Variants in UPF3A observed in about 807,000 individuals in gnomAD.
UPF3A encodes the protein UPF3A regulator of nonsense mediated mRNA decay, also known as regulator of nonsense transcripts 3A.
A neutral mutation model predicts 53.5 loss-of-function variants in UPF3A; 42 were observed. That is an observed-to-expected ratio of 0.78 (90% CI 0.61 to 1.01). The LOEUF (loss-of-function observed/expected upper bound fraction) is 1.01. Ranked by LOEUF, UPF3A falls within the 50% of genes least tolerant of loss-of-function variation. UPF3A has a pLI of 0.00. For synonymous variants in UPF3A, 237 were observed against 225.3 expected (o/e 1.05, Z -0.47); for missense variants, 575 against 598.0 (o/e 0.96, Z 0.40).
In UPF3A at chr13:114,281,706, A is replaced by G; in HGVS notation, c.67A>G (p.Arg23Gly). The G allele has an allele frequency of 6.5e-7, 1 of 1,546,090 alleles. No individual in the cohort carries two copies. Among genetic ancestry groups the G allele is most frequent in the Non-Finnish European group, 8.7e-7 (1 of 1,145,776 alleles). ...AAVAARGPSG[R>G]EKLSALEVQF... Reference sequence around the variant, plus strand: ...CGTTGCCGCGCGGGGCCCGAGCGGGAGGGAGAAGCTGTCGGCCCTAGAAGT... The same window carrying G: ...CGTTGCCGCGCGGGGCCCGAGCGGGGGGGAGAAGCTGTCGGCCCTAGAAGT... Residue 23 changes from arginine (R) to glycine (G), a missense_variant, in exon 1 of 10, where the codon AGG becomes GGG. By Grantham distance (125) the Arg-to-Gly change is moderately radical (BLOSUM62 -2). Around this residue, in one of 2 missense-constraint regions of UPF3A, gnomAD observed 252 missense variants for 182.7 expected, o/e 1.38. Transcript: ENST00000375299.
chr13:114,292,930 A>C, intron 7 of UPF3A, among the ~76,000 whole-genome samples: 1 of 151,962 alleles, frequency 6.6e-6, no homozygotes, highest in Non-Finnish European at 1.5e-5. Context: ...AAAATTAGCC[A>C]GGTGTGGTGG....
intron 9 of UPF3A, among the ~76,000 whole-genome samples, chr13:114,302,963 G>T (rs139633313): frequency 6.6e-6 from 1 of 152,228 alleles, no homozygotes; most frequent in South Asian, 2.1e-4. Context: ...ATAGCTGGGC[G>T]TGGTGGCGCG....
chr13:114,295,084 C>T (rs2085741386), intron 7 of UPF3A, among the ~76,000 whole-genome samples: 1 of 150,060 alleles, frequency 6.7e-6, no homozygotes, highest in East Asian at 1.9e-4. Flanking sequence ...TGCACTCCAG[C>T]CTGGGCGACA....
At position 114,295,339 on chromosome 13, in the gene UPF3A, C is replaced by CGTG. The variant is rs1566756651; in HGVS notation, c.847-3501_847-3500insGTG. On this transcript the variant is annotated intron_variant, in intron 7 of 9. Coordinates refer to ENST00000375299, the MANE Select transcript of UPF3A (RefSeq NM_023011.4). The stretch of plus-strand genomic sequence containing the variant: ...CCCAGCTCGTCTCCAGCAGCTCTGG[C>CGTG]CTGCTCCCCAGCTCGTCTCCAGCGG... Among the ~76,000 whole-genome samples the CGTG allele has an allele frequency of 7.6e-4, 111 of 145,982 alleles. 1 individual carries two copies. The highest frequency in any genetic ancestry group is 3.7e-3 in the Middle Eastern group (1 of 270).
chr13:114,286,092 G>A lies in UPF3A; in HGVS notation c.422-210G>A, dbSNP rs142843995. The A allele has an allele frequency of 1.1e-4, 65 of 571,230 alleles. No homozygotes were observed. In the East Asian group the frequency reaches 1.5e-3, roughly 14 times the overall value. The allele number at this position is 571,230 out of a possible 1,614,324, so 35.4% of individuals were successfully genotyped here. On this transcript the variant is annotated intron_variant, in intron 3 of 9. Coordinates refer to ENST00000375299, the MANE Select transcript of UPF3A (RefSeq NM_023011.4). ...CTTGTTTAAGTCTGGAGTTTGCCGTGTTAAGGTTGCAGGTGCTTGAAAGTG... is the reference window on the plus strand; with the variant it reads ...CTTGTTTAAGTCTGGAGTTTGCCGTATTAAGGTTGCAGGTGCTTGAAAGTG...
intron 3 of UPF3A, 49 bp downstream of exon 3, chr13:114,282,992 A>C (rs866554965): frequency 3.1e-6 from 4 of 1,281,284 alleles, no homozygotes; most frequent in Middle Eastern, 1.9e-4. Context: ...AGGTATACTA[A>C]TGAAGTATTG....
chr13:114,294,394 A>C (rs2085627858), intron 7 of UPF3A, among the ~76,000 whole-genome samples: 1 of 151,258 alleles, frequency 6.6e-6, no homozygotes, highest in Non-Finnish European at 1.5e-5. Flanking sequence ...TCAGCCTCCC[A>C]TTACAGGGGT....
intron 5 of UPF3A, among the ~76,000 whole-genome samples, chr13:114,288,405 G>A (rs929218861): frequency 2.0e-5 from 3 of 152,202 alleles, no homozygotes; most frequent in Non-Finnish European, 2.9e-5. Flanking sequence ...AAGAGGTCAG[G>A]AGATGAGCTG....
In UPF3A at chr13:114,291,726, A is replaced by G; in HGVS notation, c.780A>G (p.Glu260=). The G allele has an allele frequency of 6.3e-7, 1 of 1,599,090 alleles. No homozygotes were observed. Among genetic ancestry groups the G allele is most frequent in the Non-Finnish European group, 8.6e-7 (1 of 1,169,134 alleles). ...AGGAAAAAAGAAGAAGAAGAGAAGAAGAAAGATGCAAAAAAAAAGAGACAG... is the reference window on the plus strand; with the variant it reads ...AGGAAAAAAGAAGAAGAAGAGAAGAGGAAAGATGCAAAAAAAAAGAGACAG... ...REEEKRRRRE[E]ERCKKKETDK... is the part of the protein sequence containing the mutation. The change falls in exon 7 of 10, where the codon GAA becomes GAG. Residue 260 remains glutamate, a synonymous_variant. Coordinates refer to ENST00000375299, the MANE Select transcript of UPF3A (RefSeq NM_023011.4).
chr13:114,300,014 A>G (rs1353533971), intron 8 of UPF3A, among the ~76,000 whole-genome samples: 1 of 152,208 alleles, frequency 6.6e-6, no homozygotes, highest in Non-Finnish European at 1.5e-5. Context: ...TATGATTATC[A>G]AATCCATGAT....
At chr13:114,298,758 G>A (rs991371174) in intron 7 of UPF3A, 82 bp from the exon 8 acceptor site, 12 of 1,302,094 alleles carry the variant, frequency 9.2e-6, no homozygotes, top group South Asian at 2.0e-5. Flanking sequence ...CAATATTGGG[G>A]TATATTTGTA....
chr13:114,304,697 T>A lies in UPF3A; in HGVS notation c.1303-92T>A, dbSNP rs946455872. 10 of 1,507,594 alleles carry A rather than the reference T, an allele frequency of 6.6e-6. No homozygotes were observed. In the African/African-American group the frequency reaches 1.1e-4, roughly 17 times the overall value. The allele number at this position is 1,507,594 out of a possible 1,614,324, so 93.4% of individuals were successfully genotyped here. ...TGCCTAGTTGATTTTCTTTGGACAA[T>A]TCATATCATCAAGTTCTAGAAATAT... On this transcript the variant is annotated intron_variant, in intron 9 of 9. Coordinates refer to ENST00000375299, the MANE Select transcript of UPF3A (RefSeq NM_023011.4).
chr13:114,289,849 C>T (rs1395741424), intron 5 of UPF3A, among the ~76,000 whole-genome samples: 2 of 152,078 alleles, frequency 1.3e-5, no homozygotes, highest in Non-Finnish European at 2.9e-5. Flanking sequence ...CAGGGTCTAA[C>T]GTACTTTGCC....
At position 114,301,759 on chromosome 13, in the gene UPF3A, A is replaced by T. The variant is rs767798245; in HGVS notation, c.1036A>T (p.Arg346Trp). Residue 346 changes from arginine (R) to tryptophan (W), a missense_variant, in exon 9 of 10, where the codon AGG becomes TGG. Around this residue, in one of 2 missense-constraint regions of UPF3A, gnomAD observed 323 missense variants for 415.2 expected, o/e 0.78. Coordinates refer to ENST00000375299, the MANE Select transcript of UPF3A (RefSeq NM_023011.4). ...TSHSGSDKEH[R>W]DVERSQEQES... The stretch of plus-strand genomic sequence containing the variant: ...ACACAGCGGCAGTGATAAAGAGCAC[A>T]GGGATGTGGAGAGATCTCAAGAACA... 2.2e-5 allele frequency: 36 copies of T among 1,613,696 alleles called. No individual in the cohort carries two copies. The highest frequency in any genetic ancestry group is 2.7e-5 in the African/African-American group (2 of 74,922).
Position 114,286,413 on chromosome 13 carries a change from C to T in UPF3A, c.520+13C>T. 6.2e-7 allele frequency: 1 copy of T among 1,613,196 alleles called. No homozygotes were observed. ...AGCATCGAAGATGGTGAGCCCTTTC[C>T]AAGTGCTACGTTATGAAGCTGCCAA... On this transcript the variant is annotated intron_variant, in intron 4 of 9. Coordinates refer to ENST00000375299, the MANE Select transcript of UPF3A (RefSeq NM_023011.4).
At chr13:114,295,155 C>T (rs1054268779) in intron 7 of UPF3A, among the ~76,000 whole-genome samples, 8 of 151,888 alleles carry the variant, frequency 5.3e-5, no homozygotes, top group Non-Finnish European at 7.4e-5. Context: ...CACAGAACAG[C>T]TCAGCTGTTT....
chr13:114,292,815 T>G (rs1034800081), intron 7 of UPF3A, among the ~76,000 whole-genome samples: 1 of 151,952 alleles, frequency 6.6e-6, no homozygotes, highest in African/African-American at 2.4e-5. Flanking sequence ...TAAAAAAAAG[T>G]TTTCCTCCCA....
intron 7 of UPF3A, among the ~76,000 whole-genome samples, chr13:114,292,401 T>G (rs368191748): frequency 0.026 from 1,434 of 56,146 alleles, 31 homozygotes; most frequent in African/African-American, 0.077. Context: ...GGCTCAAGGC[T>G]TACACGTGCA....
intron 7 of UPF3A, among the ~76,000 whole-genome samples, chr13:114,297,820 C>T (rs1160818113): frequency 6.6e-6 from 1 of 152,012 alleles, no homozygotes; most frequent in East Asian, 1.9e-4. Flanking sequence ...CAGAGTGAGA[C>T]GTCGTCTCAA....
Sources: gnomAD v4.1 joint callset for allele counts (sites outside exome capture counted in the v4.1 genomes callset) on GRCh38, gnomAD v4.1.1 for gene constraint, gnomAD v4.1.1 regional missense constraint, MANE v1.5 for transcripts, NCBI Gene and HGNC (gene_info 2026-07-23, HGNC 2026-07-21) for gene names.